IMMP2L: variants seen among roughly 807,000 people sequenced by gnomAD.
The protein encoded by IMMP2L is inner mitochondrial membrane peptidase subunit 2.
In IMMP2L, 18 loss-of-function variants were observed where a neutral mutation model predicts 19.3. That is an observed-to-expected ratio of 0.93 (90% CI 0.64 to 1.38). IMMP2L has a LOEUF of 1.38. IMMP2L is among the 40% of genes most tolerant of loss of function. The probability of loss-of-function intolerance (pLI) is 0.00; values close to 1 mark genes in which losing one functional copy is unlikely to be tolerated. For synonymous variants in IMMP2L, 76 were observed against 73.0 expected (o/e 1.04, Z -0.21); for missense variants, 233 against 218.2 (o/e 1.07, Z -0.43).
At chr7:111,214,098 T>G (rs1811627667) in intron 3 of IMMP2L, among the ~76,000 whole-genome samples, 1 of 152,068 alleles carries the variant, frequency 6.6e-6, no homozygotes. Flanking sequence ...TTGAAAAAAA[T>G]TATAAAACTT....
At chr7:111,252,326 G>A (rs974207139) in intron 3 of IMMP2L, among the ~76,000 whole-genome samples, 2 of 152,142 alleles carry the variant, frequency 1.3e-5, no homozygotes, top group African/African-American at 4.8e-5. Flanking sequence ...AAATGTTTAA[G>A]TGTGTATTGG....
chr7:111,368,344 G>A (rs937327371), intron 3 of IMMP2L, among the ~76,000 whole-genome samples: 1 of 151,828 alleles, frequency 6.6e-6, no homozygotes, highest in Non-Finnish European at 1.5e-5. Context: ...TCTTTTAAAG[G>A]CTACTTCCAG....
chr7:111,562,171 G>C lies in IMMP2L; in HGVS notation c.-323C>G, dbSNP rs1463530827. 6.6e-6 allele frequency: 1 copy of C among 152,424 alleles called. No homozygotes were observed. The highest frequency in any genetic ancestry group is 1.5e-5 in the Non-Finnish European group (1 of 68,246). The allele number at this position is 152,424 out of a possible 1,614,324, so 9.4% of individuals were successfully genotyped here. ...GCCAGGTGTGCCGCCTGTGGCGCCGGTTTCTCAACCTAGTTAGCCAGTGGC... is the reference window on the plus strand; with the variant it reads ...GCCAGGTGTGCCGCCTGTGGCGCCGCTTTCTCAACCTAGTTAGCCAGTGGC... On this transcript the variant is annotated 5_prime_UTR_variant, in exon 1 of 6. Coordinates refer to ENST00000405709, the MANE Select transcript of IMMP2L (RefSeq NM_032549.4).
chr7:110,666,423 C>A (rs143170162), intron 5 of IMMP2L, among the ~76,000 whole-genome samples: 1 of 151,658 alleles, frequency 6.6e-6, no homozygotes, highest in African/African-American at 2.4e-5. Context: ...TACAGGCGCC[C>A]GCCACCATGC....
chr7:110,686,073 T>A (rs986437702), intron 5 of IMMP2L, among the ~76,000 whole-genome samples: 1 of 152,102 alleles, frequency 6.6e-6, no homozygotes, highest in African/African-American at 2.4e-5. Flanking sequence ...CCTTAAACCT[T>A]GCTGGCTTCT....
chr7:111,460,502 G>T (rs1840044857), intron 3 of IMMP2L, among the ~76,000 whole-genome samples: 1 of 151,932 alleles, frequency 6.6e-6, no homozygotes, highest in African/African-American at 2.4e-5. Context: ...CATAAGCAAA[G>T]GTATTCGTGG....
chr7:110,876,603 C>T (rs10258933), intron 5 of IMMP2L, among the ~76,000 whole-genome samples: 6,121 of 152,046 alleles, frequency 0.04, 398 homozygotes, highest in African/African-American at 0.14. Context: ...TGAGTTAATA[C>T]GAGGGAGCAG....
chr7:111,252,957 A>G (rs1816312224), intron 3 of IMMP2L, among the ~76,000 whole-genome samples: 1 of 152,170 alleles, frequency 6.6e-6, no homozygotes. Context: ...ATATCAAATT[A>G]TTTGTTTAAA....
chr7:111,296,703 T>C (rs368277116), intron 3 of IMMP2L, among the ~76,000 whole-genome samples: 115 of 152,084 alleles, frequency 7.6e-4, no homozygotes, highest in Middle Eastern at 3.4e-3. Context: ...CCCAGAGAAA[T>C]GGGAACTGTC....
At chr7:111,393,358 C>G (rs963503955) in intron 3 of IMMP2L, among the ~76,000 whole-genome samples, 6 of 152,126 alleles carry the variant, frequency 3.9e-5, no homozygotes, top group African/African-American at 1.4e-4. Flanking sequence ...TTACTTGTTC[C>G]CTGGCTCTGC....
At chr7:111,157,140 G>C (rs1804726724) in intron 3 of IMMP2L, among the ~76,000 whole-genome samples, 1 of 152,012 alleles carries the variant, frequency 6.6e-6, no homozygotes, top group Non-Finnish European at 1.5e-5. Context: ...ATGTAAATTA[G>C]TACCGCCACT....
chr7:111,163,538 T>C (rs1159198257), intron 3 of IMMP2L, among the ~76,000 whole-genome samples: 1 of 152,160 alleles, frequency 6.6e-6, no homozygotes, highest in Non-Finnish European at 1.5e-5. Context: ...GTCTCAATTC[T>C]GTCATCTGTA....
intron 5 of IMMP2L, among the ~76,000 whole-genome samples, chr7:110,815,923 G>T (rs572721209): frequency 4.2e-4 from 64 of 152,096 alleles, no homozygotes; most frequent in African/African-American, 1.4e-3. Context: ...ACCAGCTCCT[G>T]CATTAATTAA....
chr7:111,287,837 C>T (rs1013508731), intron 3 of IMMP2L, among the ~76,000 whole-genome samples: 1 of 152,106 alleles, frequency 6.6e-6, no homozygotes, highest in African/African-American at 2.4e-5. Flanking sequence ...CCACGGACTC[C>T]CTTCTGCATG....
At chr7:110,911,972 A>T (rs1484328336) in intron 4 of IMMP2L, among the ~76,000 whole-genome samples, 1 of 152,142 alleles carries the variant, frequency 6.6e-6, no homozygotes, top group Non-Finnish European at 1.5e-5. Flanking sequence ...CTAGAGGAAG[A>T]AACTTCCTAT....
intron 3 of IMMP2L, among the ~76,000 whole-genome samples, chr7:111,133,341 T>C (rs1430397504): frequency 6.6e-6 from 1 of 152,058 alleles, no homozygotes; most frequent in Non-Finnish European, 1.5e-5. Flanking sequence ...TCAGTTACTG[T>C]AACGTAGTCC....
chr7:111,109,219 C>A (rs1455915002), intron 3 of IMMP2L, among the ~76,000 whole-genome samples: 1 of 151,760 alleles, frequency 6.6e-6, no homozygotes. Context: ...ATGTTCATTG[C>A]CAGCTACATG....
At chr7:111,453,481 G>T (rs1839405156) in intron 3 of IMMP2L, among the ~76,000 whole-genome samples, 1 of 152,102 alleles carries the variant, frequency 6.6e-6, no homozygotes, top group African/African-American at 2.4e-5. Flanking sequence ...AAATTTAAGT[G>T]TCATTTTTAA....
chr7:111,512,195 T>C (rs934906061), intron 2 of IMMP2L, among the ~76,000 whole-genome samples: 7 of 152,024 alleles, frequency 4.6e-5, no homozygotes, highest in Admixed American at 1.3e-4. Flanking sequence ...CTTTTTGCAA[T>C]AAACAGACAC....
Sources: gnomAD v4.1 joint callset for allele counts (sites outside exome capture counted in the v4.1 genomes callset) on GRCh38, gnomAD v4.1.1 for gene constraint, MANE v1.5 for transcripts, NCBI Gene and HGNC (gene_info 2026-07-23, HGNC 2026-07-21) for gene names.